Variants in ZNF667 observed in about 807,000 individuals in gnomAD.
ZNF667 encodes the protein zinc finger protein 667.
In ZNF667, 13 loss-of-function variants were observed where a neutral mutation model predicts 31.8. The ratio of observed to expected loss-of-function variants is 0.41; its 90% confidence interval spans 0.27 to 0.65. The LOEUF is 0.65. Among genes scored for constraint, ZNF667 ranks in the 30% least tolerant of loss-of-function variants. ZNF667 has a pLI of 0.32. For missense variants in ZNF667, 642 were observed against 725.6 expected, an observed-to-expected ratio of 0.88 and a Z score of 1.32; for synonymous variants, 228 against 247.1, an observed-to-expected ratio of 0.92 and a Z score of 0.73.
chr19:56,474,933 C>T (rs1273717884), intron 1 of ZNF667: 1 of 152,152 alleles, frequency 6.6e-6, no homozygotes, highest in East Asian at 1.9e-4. Context: ...GGCTAGAGAT[C>T]TGACCTCTTT....
At chr19:56,469,537 T>C (rs1034337882) in intron 3 of ZNF667, among the ~76,000 whole-genome samples, 3 of 152,164 alleles carry the variant, frequency 2.0e-5, no homozygotes, top group Admixed American at 1.3e-4. Flanking sequence ...CCCACCCCCA[T>C]GCCAGTGCCT....
At position 56,442,672 on chromosome 19, in the gene ZNF667, C is replaced by G. The variant is rs774671665; in HGVS notation, c.323G>C (p.Cys108Ser). Residue 108 changes from cysteine to serine, a missense_variant, in exon 7 of 7, where the codon TGC (cysteine) becomes TCC (serine). Physicochemically the swap from Cys to Ser is moderately radical, Grantham distance 112 (BLOSUM62 -1). Coordinates refer to ENST00000504904, the MANE Select transcript of ZNF667 (RefSeq NM_001321356.2). The stretch of plus-strand genomic sequence containing the variant: ...TTGTTGTGCAGAAACTAGTTTCTGG[C>G]AGATGCTTTGCCCAGATTTGTTGCA... ...NQCNKSGQSI[C>S]QKLVSAQQKA... 1 of 1,612,372 alleles carries G rather than the reference C, an allele frequency of 6.2e-7. No homozygotes were observed.
chr19:56,463,978 A>G (rs1305233494), intron 3 of ZNF667, among the ~76,000 whole-genome samples: 1 of 152,220 alleles, frequency 6.6e-6, no homozygotes, highest in African/African-American at 2.4e-5. Context: ...TATGTCTGGA[A>G]CAACTTGGGT....
chr19:56,462,348 G>T lies in ZNF667; in HGVS notation c.23C>A (p.Ser8Tyr), dbSNP rs761830729. 6 of 1,614,220 alleles carry T rather than the reference G, an allele frequency of 3.7e-6. No homozygotes were observed. Among genetic ancestry groups the T allele is most frequent in the Non-Finnish European group, 5.1e-6 (6 of 1,180,038 alleles). Residue 8 changes from serine (S) to tyrosine (Y), a missense_variant, in exon 4 of 7, where the codon TCC (serine) becomes TAC (tyrosine). Transcript: ENST00000504904. Reference sequence around the variant, plus strand: ...GGAATTGCCACTTACCTTGGATTTGGATTTCCCCCGTGCAGAAGGCATCCT... The same window carrying T: ...GGAATTGCCACTTACCTTGGATTTGTATTTCCCCCGTGCAGAAGGCATCCT... MPSARGK[S>Y]KSKAPITFGD...
chr19:56,476,157 C>T (rs2043401577), intron 1 of ZNF667, among the ~76,000 whole-genome samples: 1 of 152,130 alleles, frequency 6.6e-6, no homozygotes, highest in Non-Finnish European at 1.5e-5. Context: ...AGTCACACAG[C>T]CAGCCAGTGG....
At chr19:56,459,856 A>G (rs957072370) in intron 5 of ZNF667, among the ~76,000 whole-genome samples, 1 of 152,044 alleles carries the variant, frequency 6.6e-6, no homozygotes, top group Non-Finnish European at 1.5e-5. Flanking sequence ...GCTGGGTGTG[A>G]TGGAGCGTGC....
In ZNF667 at chr19:56,442,525, A is replaced by G. The variant is rs1053044176; in HGVS notation, c.470T>C (p.Phe157Ser). The G allele has an allele frequency of 9.3e-6, 15 of 1,613,606 alleles. No individual in the cohort carries two copies. The highest frequency in any genetic ancestry group is 1.3e-5 in the Non-Finnish European group (15 of 1,179,888). ...NDCGKTFSRS[F>S]SLKLHQNIHT... The stretch of plus-strand genomic sequence containing the variant: ...AATGTTCTGATGAAGTTTAAGAGAG[A>G]AGCTTCGACTAAAGGTTTTACCACA... The change falls in exon 7 of 7, where the codon TTC (phenylalanine) becomes TCC (serine). Residue 157 changes from phenylalanine (F) to serine (S), a missense_variant. By Grantham distance (155) the Phe-to-Ser change is radical. Transcript: ENST00000504904.
Position 56,439,831 on chromosome 19 carries a change from T to C in ZNF667, c.*1331A>G, listed in dbSNP as rs2042566681. On this transcript the variant is annotated 3_prime_UTR_variant, in exon 7 of 7. Coordinates refer to ENST00000504904, the MANE Select transcript of ZNF667 (RefSeq NM_001321356.2). ...CACTGTGCCTGGCTAATTTTTTGTA[T>C]TTTTTTTCAGTGGAGACGGGGTTTC... 6.6e-6 allele frequency: 1 copy of C among 152,112 alleles called. No homozygotes were observed. The highest frequency in any genetic ancestry group is 1.5e-5 in the Non-Finnish European group (1 of 68,116). The allele number at this position is 152,112 out of a possible 1,614,324, so 9.4% of individuals were successfully genotyped here.
At chr19:56,466,740 T>C (rs902971407) in intron 3 of ZNF667, among the ~76,000 whole-genome samples, 7 of 152,298 alleles carry the variant, frequency 4.6e-5, no homozygotes, top group Middle Eastern at 3.4e-3. Flanking sequence ...GCCTGCAGAA[T>C]GTCCAGATGT....
intron 6 of ZNF667, among the ~76,000 whole-genome samples, chr19:56,447,259 T>C (rs1445208128): frequency 1.3e-5 from 2 of 152,146 alleles, no homozygotes; most frequent in Non-Finnish European, 1.5e-5. Flanking sequence ...ATATGGTTAA[T>C]GTATTTTCTA....
intron 3 of ZNF667, among the ~76,000 whole-genome samples, chr19:56,466,658 T>C (rs1248957944): frequency 6.6e-6 from 1 of 152,176 alleles, no homozygotes; most frequent in Non-Finnish European, 1.5e-5. Flanking sequence ...AGTATGAAAG[T>C]AGCCACATCC....
At chr19:56,461,725 C>T (rs2043048931) in intron 4 of ZNF667, among the ~76,000 whole-genome samples, 1 of 152,206 alleles carries the variant, frequency 6.6e-6, no homozygotes, top group Non-Finnish European at 1.5e-5. Context: ...TGGGAAACTG[C>T]ATTTGAGATG....
chr19:56,449,529 A>G, intron 6 of ZNF667: 1 of 291,424 alleles, frequency 3.4e-6, no homozygotes, highest in Non-Finnish European at 6.9e-6. Flanking sequence ...AAAATAAAAA[A>G]AAATTAGCTG....
rs2042565537 is a variant in ZNF667 at position 56,439,772 on chromosome 19, A to C, written c.*1390T>G. On this transcript the variant is annotated 3_prime_UTR_variant, in exon 7 of 7. Transcript: ENST00000504904. ...TGGGTTCAAGCGATTCTTCTCCTTC[A>C]GCCTCCCGAGTAGCTGGGACTACAG... 1 of 152,688 alleles carries C rather than the reference A, an allele frequency of 6.5e-6. No individual in the cohort carries two copies. The highest frequency in any genetic ancestry group is 2.4e-5 in the African/African-American group (1 of 41,450). 9.5% of individuals were successfully genotyped at this position (152,688 alleles called of 1,614,324 possible).
intron 6 of ZNF667, among the ~76,000 whole-genome samples, chr19:56,457,492 C>CCAGAGA (rs2042958326): frequency 6.6e-6 from 1 of 152,104 alleles, no homozygotes; most frequent in Non-Finnish European, 1.5e-5. Context: ...CTCTCTGGGC[C>CCAGAGA]TGTTTGCTTA....
At chr19:56,472,833 A>G (rs1480242694) in intron 2 of ZNF667, 2 of 152,152 alleles carry the variant, frequency 1.3e-5, no homozygotes, top group Non-Finnish European at 2.9e-5. Context: ...TGGATTTTCT[A>G]CAGTACAGGG....
intron 6 of ZNF667, among the ~76,000 whole-genome samples, chr19:56,457,498 G>GTTGA (rs2042958553): frequency 6.6e-6 from 1 of 152,128 alleles, no homozygotes; most frequent in Non-Finnish European, 1.5e-5. Context: ...GGGCCTGTTT[G>GTTGA]CTTATCTATA....
Position 56,442,392 on chromosome 19 carries a change from T to A in ZNF667, c.603A>T (p.Glu201Asp), listed in dbSNP as rs1485102948. 5 of 1,614,150 alleles carry A rather than the reference T, an allele frequency of 3.1e-6. No individual in the cohort carries two copies. The highest frequency in any genetic ancestry group is 1.7e-5 in the Admixed American group (1 of 60,030). The change falls in exon 7 of 7, where the codon GAA becomes GAT. Residue 201 changes from glutamate to aspartate, a missense_variant. Transcript: ENST00000504904. ...TGAAGCTTTCCCCACATTTATTGCATTCATGGCTTTTCTTTCCACTGTGAA... is the reference window on the plus strand; with the variant it reads ...TGAAGCTTTCCCCACATTTATTGCAATCATGGCTTTTCTTTCCACTGTGAA... ...QRIHSGKKSHECNKCGESFNQ... is the reference protein window; with the variant it reads ...QRIHSGKKSHDCNKCGESFNQ...
chr19:56,452,488 C>G (rs2042852188), intron 6 of ZNF667, among the ~76,000 whole-genome samples: 1 of 151,894 alleles, frequency 6.6e-6, no homozygotes. Flanking sequence ...ACGCCTACAC[C>G]AAAAAAGTAA....
Sources: allele counts gnomAD v4.1 joint callset (sites outside exome capture counted in the v4.1 genomes callset), GRCh38; gene constraint gnomAD v4.1.1; transcripts MANE v1.5; gene names NCBI Gene and HGNC (gene_info 2026-07-23, HGNC 2026-07-21).